Variants in SYT1 observed in about 807,000 individuals in gnomAD.
SYT1 encodes the protein synaptotagmin-1.
A neutral mutation model predicts 44.8 loss-of-function variants in SYT1; 8 were observed. The observed-to-expected ratio is 0.18, with a 90% confidence interval of 0.10 to 0.32. The LOEUF is 0.32. Ranked by LOEUF, SYT1 falls within the 10% of genes least tolerant of loss-of-function variation. The probability of loss-of-function intolerance (pLI) is 1.00; values close to 1 mark genes in which losing one functional copy is unlikely to be tolerated. For missense variants in SYT1, 286 were observed against 509.3 expected (o/e 0.56, Z 4.22); for synonymous variants, 154 against 188.8 (o/e 0.82, Z 1.51).
intron 8 of SYT1, 21 bp from the exon 9 acceptor site, chr12:79,353,481 C>T (rs1378387162): frequency 6.4e-7 from 1 of 1,552,584 alleles, no homozygotes; most frequent in Admixed American, 1.7e-5. Flanking sequence ...ATTGCTAATA[C>T]TTTCTTATTG....
chr12:79,093,592 C>A (rs1877923908), intron 3 of SYT1, among the ~76,000 whole-genome samples: 1 of 151,568 alleles, frequency 6.6e-6, no homozygotes, highest in African/African-American at 2.4e-5. Context: ...CAACTTTAGT[C>A]AGTTTAACCT....
chr12:79,006,932 C>G (rs1592655008), intron 2 of SYT1, among the ~76,000 whole-genome samples: 1 of 152,050 alleles, frequency 6.6e-6, no homozygotes, highest in East Asian at 1.9e-4. Flanking sequence ...ATATTTCTTG[C>G]TTTGTAAATT....
chr12:78,981,717 C>T (rs1869277185), intron 2 of SYT1, among the ~76,000 whole-genome samples: 1 of 152,112 alleles, frequency 6.6e-6, no homozygotes, highest in Non-Finnish European at 1.5e-5. Context: ...AATTTGCTGC[C>T]TTTGTGTGCA....
Position 79,449,250 on chromosome 12 carries a change from T to G in SYT1, c.*126T>G, listed in dbSNP as rs1304776434. On this transcript the variant is annotated 3_prime_UTR_variant, in exon 11 of 11. Coordinates refer to ENST00000261205, the MANE Select transcript of SYT1 (RefSeq NM_005639.3). ...ATTCCTAACACAATTCAGTGGTACT[T>G]GGAATCCTGTTTTAATTTGCACAAA... The G allele has an allele frequency of 1.1e-5, 11 of 1,017,376 alleles. No homozygotes were observed. Among genetic ancestry groups the G allele is most frequent in the Non-Finnish European group, 1.6e-5 (11 of 703,770 alleles). The allele number at this position is 1,017,376 out of a possible 1,614,324, so 63.0% of individuals were successfully genotyped here. A position where few individuals can be genotyped will look rare whatever the true frequency, so the allele number is the denominator to read the frequency against.
chr12:79,217,709 G>A (rs1325035767), intron 4 of SYT1, 24 bp downstream of exon 4: 2 of 1,572,190 alleles, frequency 1.3e-6, no homozygotes, highest in East Asian at 2.3e-5. Flanking sequence ...ATTAGTACTT[G>A]AGTAAAAATA....
chr12:79,218,230 T>C (rs1874933667), intron 4 of SYT1, among the ~76,000 whole-genome samples: 1 of 152,192 alleles, frequency 6.6e-6, no homozygotes, highest in Admixed American at 6.5e-5. Flanking sequence ...TTTAATTTTT[T>C]AATTTTATTT....
intron 3 of SYT1, among the ~76,000 whole-genome samples, chr12:79,064,970 A>AAGAAAGAAAGAAAGAAAGAAAGAAAG (rs1565789393): frequency 1.3e-4 from 19 of 150,740 alleles, no homozygotes; most frequent in African/African-American, 4.1e-4. Context: ...GAAAGAAAGA[A>AAGAAAGAAAGAAAGAAAGAAAGAAAG]AGAAAGAAAG....
At chr12:78,910,529 C>T (rs1432871790) in intron 1 of SYT1, among the ~76,000 whole-genome samples, 5 of 151,894 alleles carry the variant, frequency 3.3e-5, no homozygotes, top group Non-Finnish European at 5.9e-5. Context: ...AGACTGCAAA[C>T]ATTTATTTGT....
chr12:79,237,156 A>G (rs910642615), intron 4 of SYT1, among the ~76,000 whole-genome samples: 1 of 152,216 alleles, frequency 6.6e-6, no homozygotes, highest in African/African-American at 2.4e-5. Context: ...CTCTGTGAAC[A>G]TGCTGTTGAC....
At chr12:79,310,998 A>G (rs928415666) in intron 8 of SYT1, among the ~76,000 whole-genome samples, 2 of 152,248 alleles carry the variant, frequency 1.3e-5, no homozygotes, top group African/African-American at 4.8e-5. Flanking sequence ...CTAATTGAAT[A>G]CGCTTTATTT....
chr12:78,970,571 G>T (rs977807725), intron 1 of SYT1, among the ~76,000 whole-genome samples: 3 of 152,070 alleles, frequency 2.0e-5, no homozygotes, highest in African/African-American at 7.2e-5. Context: ...TGATAGCCAG[G>T]GTTCAAATCT....
At chr12:79,247,277 A>G (rs1019821474) in intron 4 of SYT1, among the ~76,000 whole-genome samples, 1 of 152,152 alleles carries the variant, frequency 6.6e-6, no homozygotes, top group Non-Finnish European at 1.5e-5. Context: ...CATTTCTCCC[A>G]TTTACCGGTA....
chr12:79,159,282 A>G (rs1424632061), intron 3 of SYT1, among the ~76,000 whole-genome samples: 1 of 152,202 alleles, frequency 6.6e-6, no homozygotes, highest in African/African-American at 2.4e-5. Flanking sequence ...TATCATATTC[A>G]GCATTTTGTT....
chr12:78,903,325 G>A (rs1016776329), intron 1 of SYT1, among the ~76,000 whole-genome samples: 16 of 151,354 alleles, frequency 1.1e-4, no homozygotes, highest in African/African-American at 3.4e-4. Context: ...TCACTGTGTC[G>A]CTCAGGCTGG....
At chr12:79,101,972 T>G (rs946665998) in intron 3 of SYT1, among the ~76,000 whole-genome samples, 5 of 152,126 alleles carry the variant, frequency 3.3e-5, no homozygotes, top group African/African-American at 1.2e-4. Context: ...ATTTTTCATT[T>G]GTTATTGCGT....
chr12:78,930,734 G>T (rs1877586965), intron 1 of SYT1, among the ~76,000 whole-genome samples: 1 of 151,946 alleles, frequency 6.6e-6, no homozygotes, highest in African/African-American at 2.4e-5. Flanking sequence ...TCTACTGAAT[G>T]TAATGCAGCT....
intron 2 of SYT1, among the ~76,000 whole-genome samples, chr12:79,027,858 C>G (rs1184375943): frequency 6.6e-6 from 1 of 151,358 alleles, no homozygotes; most frequent in African/African-American, 2.4e-5. Context: ...ACCAGTATAG[C>G]CATAGACTTC....
At chr12:79,096,966 G>A (rs1167116558) in intron 3 of SYT1, among the ~76,000 whole-genome samples, 1 of 151,962 alleles carries the variant, frequency 6.6e-6, no homozygotes, top group Non-Finnish European at 1.5e-5. Flanking sequence ...GGGCACAATA[G>A]CAAGAAGAAG....
intron 3 of SYT1, among the ~76,000 whole-genome samples, chr12:79,206,786 A>G (rs1352315262): frequency 6.6e-6 from 1 of 152,266 alleles, no homozygotes; most frequent in Non-Finnish European, 1.5e-5. Context: ...TTTGTTTCTC[A>G]TAATACTTTC....
Sources: allele counts gnomAD v4.1 joint callset (sites outside exome capture counted in the v4.1 genomes callset), GRCh38; gene constraint gnomAD v4.1.1; transcripts MANE v1.5; gene names NCBI Gene and HGNC (gene_info 2026-07-23, HGNC 2026-07-21).